The following MATCAP2 variants were observed in gnomAD, a reference collection of about 807,000 sequenced individuals.
MATCAP2 encodes putative tyrosine carboxypeptidase MATCAP2.
the MATCAP2 span, among the ~76,000 whole-genome samples, chr7:36,389,406 A>G: frequency 6.6e-6 from 1 of 151,444 alleles, no homozygotes; most frequent in Non-Finnish European, 1.5e-5. Context: ...TCTGCCGCCC[A>G]GGCTGGAGTG....
At chr7:36,328,686 A>G in the MATCAP2 span, among the ~76,000 whole-genome samples, 1 of 152,000 alleles carries the variant, frequency 6.6e-6, no homozygotes, top group Non-Finnish European at 1.5e-5. Flanking sequence ...GGGAGGTTGC[A>G]GTGAGCCGAG....
chr7:36,386,439 A>ATGTGTGTGTG, the MATCAP2 span, among the ~76,000 whole-genome samples: 5 of 124,294 alleles, frequency 4.0e-5, no homozygotes, highest in Non-Finnish European at 6.8e-5. Context: ...GTGTATGTGT[A>ATGTGTGTGTG]TGTGTGTATG....
At chr7:36,340,659 A>ATCAG in the MATCAP2 span, among the ~76,000 whole-genome samples, 12 of 152,336 alleles carry the variant, frequency 7.9e-5, no homozygotes, top group South Asian at 2.5e-3. Context: ...AGACAGACTT[A>ATCAG]TCAGTGATCT....
chr7:36,327,080 G>A, the MATCAP2 span, among the ~76,000 whole-genome samples: 1 of 152,140 alleles, frequency 6.6e-6, no homozygotes, highest in Non-Finnish European at 1.5e-5. Flanking sequence ...TTTCTTCACT[G>A]TGTTAAATAA....
chr7:36,374,940 G>A, the MATCAP2 span, among the ~76,000 whole-genome samples: 1 of 152,132 alleles, frequency 6.6e-6, no homozygotes, highest in Non-Finnish European at 1.5e-5. Flanking sequence ...GTCTATCATT[G>A]ATGGACATTT....
chr7:36,336,312 G>C, the MATCAP2 span: 13 of 1,496,712 alleles, frequency 8.7e-6, no homozygotes, highest in Non-Finnish European at 1.2e-5. Context: ...AAAAGAAAGA[G>C]AGATAATGAA....
At chr7:36,358,571 G>A in the MATCAP2 span, among the ~76,000 whole-genome samples, 1 of 152,174 alleles carries the variant, frequency 6.6e-6, no homozygotes, top group Non-Finnish European at 1.5e-5. Flanking sequence ...GTGAAGGAGA[G>A]GGCAGCTTTG....
the MATCAP2 span, among the ~76,000 whole-genome samples, chr7:36,333,575 C>CAA: frequency 1.4e-5 from 2 of 145,822 alleles, no homozygotes; most frequent in Non-Finnish European, 3.0e-5. Context: ...GCAAAAAAAG[C>CAA]AAAAAAAGAA....
chr7:36,376,583 G>T, the MATCAP2 span, among the ~76,000 whole-genome samples: 1 of 152,198 alleles, frequency 6.6e-6, no homozygotes, highest in Admixed American at 6.5e-5. Context: ...TTGGAGTGGA[G>T]AGTTCTGTAG....
the MATCAP2 span, among the ~76,000 whole-genome samples, chr7:36,329,904 G>C: frequency 6.6e-6 from 1 of 152,066 alleles, no homozygotes; most frequent in African/African-American, 2.4e-5. Context: ...AAAATGACAC[G>C]TACTTTCTAA....
At chr7:36,368,684 T>G in the MATCAP2 span, among the ~76,000 whole-genome samples, 15 of 152,220 alleles carry the variant, frequency 9.9e-5, no homozygotes, top group African/African-American at 3.1e-4. Flanking sequence ...CTTCAGTGGC[T>G]TCCTTTCCTG....
At chr7:36,378,332 C>T in the MATCAP2 span, among the ~76,000 whole-genome samples, 3 of 152,138 alleles carry the variant, frequency 2.0e-5, no homozygotes, top group Non-Finnish European at 4.4e-5. Context: ...AACAGTCAGG[C>T]CCCTCAGCTG....
At chr7:36,368,056 TAA>T in the MATCAP2 span, 241 of 140,502 alleles carry the variant, frequency 1.7e-3, no homozygotes, top group Non-Finnish European at 1.5e-3. Flanking sequence ...AAAGTGAGAC[TAA>T]AAAAAAAAAA....
chr7:36,372,076 TG>T, the MATCAP2 span, among the ~76,000 whole-genome samples: 1 of 118,184 alleles, frequency 8.5e-6, no homozygotes, highest in Non-Finnish European at 1.9e-5. Context: ...TGCTTGCAAC[TG>T]AAAAAAAAAA....
the MATCAP2 span, among the ~76,000 whole-genome samples, chr7:36,335,783 C>T: frequency 7.2e-5 from 11 of 152,148 alleles, no homozygotes; most frequent in African/African-American, 1.4e-4. Flanking sequence ...AAAAGAACTA[C>T]GACTAGGCTG....
At chr7:36,380,613 G>A in the MATCAP2 span, among the ~76,000 whole-genome samples, 3 of 152,194 alleles carry the variant, frequency 2.0e-5, no homozygotes, top group African/African-American at 7.2e-5. Flanking sequence ...GCAGTGTTTG[G>A]GAAGAGACCC....
chr7:36,335,254 A>G, the MATCAP2 span: 1 of 1,330,218 alleles, frequency 7.5e-7, no homozygotes, highest in Non-Finnish European at 1.1e-6. Flanking sequence ...ACAGAAAACA[A>G]TGGGCCTGTA....
chr7:36,366,600 T>G, the MATCAP2 span: 1 of 1,318,080 alleles, frequency 7.6e-7, no homozygotes, highest in Non-Finnish European at 1.0e-6. Context: ...ACACCTAGCG[T>G]GTTTTGAAAT....
the MATCAP2 span, among the ~76,000 whole-genome samples, chr7:36,382,299 C>CAAAA: frequency 4.8e-5 from 3 of 62,930 alleles, no homozygotes; most frequent in Admixed American, 2.3e-4. Context: ...GCGTCTGTCT[C>CAAAA]AAAAAAAAAA....
Sources: allele counts gnomAD v4.1 joint callset (sites outside exome capture counted in the v4.1 genomes callset), GRCh38; gene constraint gnomAD v4.1.1; transcripts MANE v1.5; gene names NCBI Gene and HGNC (gene_info 2026-07-23, HGNC 2026-07-21).